GMPPB: variants seen among roughly 807,000 people sequenced by gnomAD.
GMPPB encodes the protein mannose-1-phosphate guanylyltransferase catalytic subunit beta.
A neutral mutation model predicts 40.3 loss-of-function variants in GMPPB; 38 were observed. The observed-to-expected ratio is 0.94, with a 90% CI of 0.73 to 1.24. The LOEUF (loss-of-function observed/expected upper bound fraction) is 1.24, where lower values mean the gene tolerates loss of function less well. GMPPB is among the 50% of genes most tolerant of loss of function. The probability of loss-of-function intolerance (pLI) is 0.00; values close to 1 mark genes in which losing one functional copy is unlikely to be tolerated. For missense variants in GMPPB, 436 were observed against 487.1 expected, an observed-to-expected ratio of 0.90 and a Z score of 0.99; for synonymous variants, 193 against 191.8, an observed-to-expected ratio of 1.01 and a Z score of -0.05.
Position 49,722,070 on chromosome 3 carries a change from A to G in GMPPB, c.846T>C (p.Asp282=). 6.2e-7 allele frequency: 1 copy of G among 1,613,478 alleles called. No homozygotes were observed. The highest frequency in any genetic ancestry group is 1.7e-5 in the Admixed American group (1 of 60,024). ...VSLGPGVVVE[D]GVCIRRCTVL... ...CCGTGCACCGCCGGATACACACACCATCTTCGACCACCACGCCAGGTCCCA... is the reference window on the plus strand; with the variant it reads ...CCGTGCACCGCCGGATACACACACCGTCTTCGACCACCACGCCAGGTCCCA... Residue 282 remains aspartate (D), a synonymous_variant, in exon 8 of 9, where the codon GAT becomes GAC. Coordinates refer to ENST00000308388, the MANE Select transcript of GMPPB (RefSeq NM_021971.4).
rs2080428796 is a variant in GMPPB, at chr3:49,722,366, GAGGGATGCATC to G, written c.641-19_641-9del. The G allele has an allele frequency of 1.9e-6, 3 of 1,613,736 alleles. No individual in the cohort carries two copies. The highest frequency in any genetic ancestry group is 2.5e-6 in the Non-Finnish European group (3 of 1,179,824). On this transcript the variant is annotated splice_polypyrimidine_tract_variant and intron_variant, in intron 6 of 8. Coordinates refer to ENST00000308388, the MANE Select transcript of GMPPB (RefSeq NM_021971.4). ...CAATGTCCATCCAGAAGCCTGTAGGGAGGGATGCATCAGGGGCCTCAGCCCAGCCACAGACC... is the reference window on the plus strand; with the variant it reads ...CAATGTCCATCCAGAAGCCTGTAGGGAGGGGCCTCAGCCCAGCCACAGACC...
In GMPPB at chr3:49,721,716, G is replaced by A. The variant is rs200992117; in HGVS notation, c.*36C>T. The A allele has an allele frequency of 3.9e-4, 609 of 1,564,364 alleles. No individual in the cohort carries two copies. Among genetic ancestry groups the A allele is most frequent in the Non-Finnish European group, 3.7e-4 (431 of 1,159,182 alleles). On this transcript the variant is annotated 3_prime_UTR_variant, in exon 9 of 9. Coordinates refer to ENST00000308388, the MANE Select transcript of GMPPB (RefSeq NM_021971.4). ...CAGGCCAGCACTCCCCTTGCTGATGGGAAAACCGGGGCTCGGCCAGCCCCA... is the reference window on the plus strand; with the variant it reads ...CAGGCCAGCACTCCCCTTGCTGATGAGAAAACCGGGGCTCGGCCAGCCCCA...
chr3:49,722,442 C>T lies in GMPPB; in HGVS notation c.630G>A (p.Met210Ile), dbSNP rs773705196. ...GCCTCCCTGCCTCACCCTGTAACTC[C>T]ATGGCATATAGCTGCCCCTCCTTGG... ...IMAKEGQLYA[M>I]ELQGFWMDIG... Residue 210 changes from methionine (M) to isoleucine (I), a missense_variant, in exon 6 of 9, where the codon ATG becomes ATA. Physicochemically the swap from Met to Ile is conservative, Grantham distance 10. Transcript: ENST00000308388. The T allele has an allele frequency of 5.0e-6, 8 of 1,614,076 alleles. No homozygotes were observed.
At chr3:49,723,225 C>T in intron 3 of GMPPB, 29 bp downstream of exon 3, 1 of 1,613,590 alleles carries the variant, frequency 6.2e-7, no homozygotes, top group Non-Finnish European at 8.5e-7. Flanking sequence ...TTAAACCCTC[C>T]CCCAAGGGAC....
intron 4 of GMPPB, 106 bp from the exon 5 acceptor site, chr3:49,722,860 A>G: frequency 1.3e-6 from 2 of 1,509,126 alleles, no homozygotes; most frequent in Non-Finnish European, 1.8e-6. Context: ...TTAAAGATAC[A>G]TACTGCACAG....
Position 49,720,591 on chromosome 3 carries a change from A to G in GMPPB, c.*1161T>C. The G allele has an allele frequency of 6.2e-7, 1 of 1,611,832 alleles. No individual in the cohort carries two copies. Among genetic ancestry groups the G allele is most frequent in the Non-Finnish European group, 8.5e-7 (1 of 1,178,650 alleles). Reference sequence around the variant, plus strand: ...ATATGCTATCTCCTGGGACAGCCAGAGCCCCCAGCACCTGGCACTGCTCTG... The same window carrying G: ...ATATGCTATCTCCTGGGACAGCCAGGGCCCCCAGCACCTGGCACTGCTCTG... On this transcript the variant is annotated 3_prime_UTR_variant, in exon 9 of 9. Coordinates refer to ENST00000308388, the MANE Select transcript of GMPPB (RefSeq NM_021971.4).
chr3:49,720,335 A>C lies in GMPPB; in HGVS notation c.*1417T>G. 2 of 483,440 alleles carry C rather than the reference A, an allele frequency of 4.1e-6. No individual in the cohort carries two copies. The highest frequency in any genetic ancestry group is 3.4e-6 in the Non-Finnish European group (1 of 297,460). The allele number at this position is 483,440 out of a possible 1,614,324, so 29.9% of individuals were successfully genotyped here. ...GTCTCAAGAAAAAAAAAAAAAAAAC[A>C]GGCTGTGTGGCACCTTACTAGAATA... On this transcript the variant is annotated 3_prime_UTR_variant, in exon 9 of 9. Coordinates refer to ENST00000308388, the MANE Select transcript of GMPPB (RefSeq NM_021971.4).
rs747766942 is a variant in GMPPB at position 49,720,614 on chromosome 3, C to T, written c.*1138G>A. ...AGAGCCCCCAGCACCTGGCACTGCTCTGCCAGCCCCTGACCGGAAGCGCTT... is the reference window on the plus strand; with the variant it reads ...AGAGCCCCCAGCACCTGGCACTGCTTTGCCAGCCCCTGACCGGAAGCGCTT... On this transcript the variant is annotated 3_prime_UTR_variant, in exon 9 of 9. Transcript: ENST00000308388. 4.4e-6 allele frequency: 7 copies of T among 1,606,084 alleles called. No individual in the cohort carries two copies. The highest frequency in any genetic ancestry group is 8.5e-7 in the Non-Finnish European group (1 of 1,174,466).
In GMPPB at chr3:49,721,506, A is replaced by G. The variant is rs902832427; in HGVS notation, c.*246T>C. On this transcript the variant is annotated 3_prime_UTR_variant, in exon 9 of 9. Coordinates refer to ENST00000308388, the MANE Select transcript of GMPPB (RefSeq NM_021971.4). ...TTGACTTTCAGTCAGGGCCACAGTG[A>G]GCATTAAATTATTATTCCATACAGC... The G allele has an allele frequency of 2.4e-6, 2 of 848,138 alleles. No homozygotes were observed. The highest frequency in any genetic ancestry group is 1.9e-5 in the Admixed American group (1 of 52,918). The allele number at this position is 848,138 out of a possible 1,614,324, so 52.5% of individuals were successfully genotyped here. A position where few individuals can be genotyped will look rare whatever the true frequency, so the allele number is the denominator to read the frequency against.
In GMPPB at chr3:49,721,667, C is replaced by T; in HGVS notation, c.*85G>A. The T allele has an allele frequency of 7.7e-7, 1 of 1,301,188 alleles. No homozygotes were observed. Among genetic ancestry groups the T allele is most frequent in the East Asian group, 2.3e-5 (1 of 43,198 alleles). 80.6% of individuals were successfully genotyped at this position (1,301,188 alleles called of 1,614,324 possible). A position where few individuals can be genotyped will look rare whatever the true frequency, so the allele number is the denominator to read the frequency against. On this transcript the variant is annotated 3_prime_UTR_variant, in exon 9 of 9. Coordinates refer to ENST00000308388, the MANE Select transcript of GMPPB (RefSeq NM_021971.4). ...CCAGTGCCCCCCAGACAAATAATGACAAGTCCAGGGTCTTCTGATGTGTCA... is the reference window on the plus strand; with the variant it reads ...CCAGTGCCCCCCAGACAAATAATGATAAGTCCAGGGTCTTCTGATGTGTCA...
Position 49,723,492 on chromosome 3 carries a change from C to A in GMPPB, c.130-20G>T. On this transcript the variant is annotated intron_variant, in intron 1 of 8. Transcript: ENST00000308388. ...GCCTGCCTGTCAGAACGCAGGCCGA[C>A]GGGCGGGCTCAGTCAGAAGGTACGG... is the stretch of plus-strand genomic sequence containing the variant. 6.2e-7 allele frequency: 1 copy of A among 1,612,920 alleles called. No homozygotes were observed. Among genetic ancestry groups the A allele is most frequent in the Non-Finnish European group, 8.5e-7 (1 of 1,179,944 alleles).
At position 49,721,246 on chromosome 3, in the gene GMPPB, G is replaced by A. The variant is rs746311869; in HGVS notation, c.*506C>T. ...CTGCTTCTTCTGCAAAACCACCATCGTGTCTGTAGAGGACTGGGAGAAGGG... is the reference window on the plus strand; with the variant it reads ...CTGCTTCTTCTGCAAAACCACCATCATGTCTGTAGAGGACTGGGAGAAGGG... On this transcript the variant is annotated 3_prime_UTR_variant, in exon 9 of 9. Transcript: ENST00000308388. 24 of 1,614,056 alleles carry A rather than the reference G, an allele frequency of 1.5e-5. No homozygotes were observed. The highest frequency in any genetic ancestry group is 6.7e-5 in the East Asian group (3 of 44,892).
chr3:49,721,582 A>G lies in GMPPB; in HGVS notation c.*170T>C. 1 of 818,196 alleles carries G rather than the reference A, an allele frequency of 1.2e-6. No homozygotes were observed. The highest frequency in any genetic ancestry group is 2.0e-6 in the Non-Finnish European group (1 of 491,022). The allele number at this position is 818,196 out of a possible 1,614,324, so 50.7% of individuals were successfully genotyped here. A position where few individuals can be genotyped will look rare whatever the true frequency, so the allele number is the denominator to read the frequency against. On this transcript the variant is annotated 3_prime_UTR_variant, in exon 9 of 9. Coordinates refer to ENST00000308388, the MANE Select transcript of GMPPB (RefSeq NM_021971.4). ...GTGGGGTTTGTGGGGTGTGCCCAGC[A>G]GGGATCCTGCCAGATGATGTCCACA... is the stretch of plus-strand genomic sequence containing the variant.
Position 49,720,354 on chromosome 3 carries a change from T to A in GMPPB, c.*1398A>T. ...AAAAACAGGCTGTGTGGCACCTTACTAGAATACAGGACTTGGGGTTTGGGA... is the reference window on the plus strand; with the variant it reads ...AAAAACAGGCTGTGTGGCACCTTACAAGAATACAGGACTTGGGGTTTGGGA... On this transcript the variant is annotated 3_prime_UTR_variant, in exon 9 of 9. Coordinates refer to ENST00000308388, the MANE Select transcript of GMPPB (RefSeq NM_021971.4). 3 of 609,558 alleles carry A rather than the reference T, an allele frequency of 4.9e-6. No homozygotes were observed. Among genetic ancestry groups the A allele is most frequent in the Non-Finnish European group, 7.7e-6 (3 of 392,102 alleles). The allele number at this position is 609,558 out of a possible 1,614,324, so 37.8% of individuals were successfully genotyped here.
At chr3:49,722,407 C>T in intron 6 of GMPPB, 25 bp downstream of exon 6, 1 of 1,613,900 alleles carries the variant, frequency 6.2e-7, no homozygotes, top group Non-Finnish European at 8.5e-7. Context: ...CAGACCACCC[C>T]CACCCTGTGG....
rs771495156 is a variant in GMPPB at position 49,720,815 on chromosome 3, G to C, written c.*937C>G. On this transcript the variant is annotated 3_prime_UTR_variant, in exon 9 of 9. Coordinates refer to ENST00000308388, the MANE Select transcript of GMPPB (RefSeq NM_021971.4). Reference sequence around the variant, plus strand: ...CACTCCCCAGATGCGGATTATATCAGTGCCGATGAGCTGGCCCAAGTGGAA... The same window carrying C: ...CACTCCCCAGATGCGGATTATATCACTGCCGATGAGCTGGCCCAAGTGGAA... 1 of 1,614,178 alleles carries C rather than the reference G, an allele frequency of 6.2e-7. No individual in the cohort carries two copies. The highest frequency in any genetic ancestry group is 8.5e-7 in the Non-Finnish European group (1 of 1,180,028).
Position 49,721,723 on chromosome 3 carries a change from C to G in GMPPB, c.*29G>C, listed in dbSNP as rs370738203. The stretch of plus-strand genomic sequence containing the variant: ...GCACTCCCCTTGCTGATGGGAAAAC[C>G]GGGGCTCGGCCAGCCCCACTGCATC... On this transcript the variant is annotated 3_prime_UTR_variant, in exon 9 of 9. Coordinates refer to ENST00000308388, the MANE Select transcript of GMPPB (RefSeq NM_021971.4). 1.1e-5 allele frequency: 17 copies of G among 1,568,424 alleles called. No homozygotes were observed. In the Admixed American group the frequency reaches 1.4e-4, roughly 13 times the overall value.
In GMPPB at chr3:49,720,525, C is replaced by A; in HGVS notation, c.*1227G>T. The A allele has an allele frequency of 6.3e-7, 1 of 1,597,588 alleles. No individual in the cohort carries two copies. On this transcript the variant is annotated 3_prime_UTR_variant, in exon 9 of 9. Transcript: ENST00000308388. ...CCCCTACCTAGGAGAGAGCAAGCCA[C>A]ATCAGTGCTCCTGGCAGATCCCTGC...
At position 49,720,851 on chromosome 3, in the gene GMPPB, C is replaced by G. The variant is rs1231352732; in HGVS notation, c.*901G>C. 5.6e-6 allele frequency: 9 copies of G among 1,614,056 alleles called. No individual in the cohort carries two copies. Among genetic ancestry groups the G allele is most frequent in the Non-Finnish European group, 7.6e-6 (9 of 1,180,034 alleles). Reference sequence around the variant, plus strand: ...CTGGCCCAAGTGGAACAGATGCTGGCGCACCTGACCTCTGCATCTGCCCAG... The same window carrying G: ...CTGGCCCAAGTGGAACAGATGCTGGGGCACCTGACCTCTGCATCTGCCCAG... On this transcript the variant is annotated 3_prime_UTR_variant, in exon 9 of 9. Transcript: ENST00000308388.
Sources: gnomAD v4.1 joint callset for allele counts on GRCh38, gnomAD v4.1.1 for gene constraint, MANE v1.5 for transcripts, NCBI Gene and HGNC (gene_info 2026-07-23, HGNC 2026-07-21) for gene names.